Variants in RALGPS1 observed in about 807,000 individuals in gnomAD.
RALGPS1 encodes ras-specific guanine nucleotide-releasing factor RalGPS1.
Under a neutral mutation model 78.8 loss-of-function variants are expected in RALGPS1, and 19 were observed. The ratio of observed to expected loss-of-function variants is 0.24; its 90% CI spans 0.17 to 0.35. The LOEUF (loss-of-function observed/expected upper bound fraction) is 0.35. Among genes scored for constraint, RALGPS1 ranks in the 10% least tolerant of loss-of-function variants. The pLI is 1.00. For synonymous variants in RALGPS1, 228 were observed against 256.3 expected (o/e 0.89, Z 1.06); for missense variants, 454 against 688.3 (o/e 0.66, Z 3.81).
chr9:127,047,358 T>G (rs2135236037), intron 5 of RALGPS1, among the ~76,000 whole-genome samples: 1 of 152,284 alleles, frequency 6.6e-6, no homozygotes, highest in East Asian at 1.9e-4. Flanking sequence ...GATATATGAT[T>G]AATATACACC....
chr9:127,117,947 AG>A (rs960476454), intron 8 of RALGPS1, among the ~76,000 whole-genome samples: 1 of 152,202 alleles, frequency 6.6e-6, no homozygotes, highest in Non-Finnish European at 1.5e-5. Context: ...ACTAGGCAGC[AG>A]GGGGTTGCTG....
intron 7 of RALGPS1, among the ~76,000 whole-genome samples, chr9:127,063,977 T>C (rs753225846): frequency 3.9e-5 from 6 of 152,220 alleles, no homozygotes; most frequent in Non-Finnish European, 8.8e-5. Flanking sequence ...TCATACCAGA[T>C]GCAGGGAACA....
chr9:126,956,552 C>G (rs2038357582), intron 1 of RALGPS1, among the ~76,000 whole-genome samples: 1 of 152,138 alleles, frequency 6.6e-6, no homozygotes, highest in Non-Finnish European at 1.5e-5. Context: ...GGGTAACACA[C>G]TACGGCTGCC....
chr9:126,953,202 A>G (rs1460233842), intron 1 of RALGPS1, among the ~76,000 whole-genome samples: 3 of 152,108 alleles, frequency 2.0e-5, no homozygotes, highest in Non-Finnish European at 2.9e-5. Context: ...CCCACACAAG[A>G]CCAGATTCTG....
chr9:126,982,859 T>TCC (rs35667900), intron 4 of RALGPS1, among the ~76,000 whole-genome samples: 23 of 147,948 alleles, frequency 1.6e-4, no homozygotes, highest in South Asian at 6.7e-4. Context: ...TTCCTCCTCC[T>TCC]TCTTCTTCTT....
chr9:127,133,843 T>C (rs1008490987), intron 8 of RALGPS1, among the ~76,000 whole-genome samples: 1 of 152,090 alleles, frequency 6.6e-6, no homozygotes, highest in African/African-American at 2.4e-5. Context: ...TTGGGCCTGG[T>C]CTCTGTGGTC....
At chr9:127,194,147 A>G (rs1171711822) in intron 11 of RALGPS1, among the ~76,000 whole-genome samples, 4 of 152,258 alleles carry the variant, frequency 2.6e-5, no homozygotes, top group Admixed American at 2.0e-4. Context: ...TATGAGGGCT[A>G]ACTATGAAAG....
At chr9:126,996,100 C>A (rs2133367453) in intron 4 of RALGPS1, among the ~76,000 whole-genome samples, 1 of 151,996 alleles carries the variant, frequency 6.6e-6, no homozygotes, top group Non-Finnish European at 1.5e-5. Flanking sequence ...AAATTGACAC[C>A]CTGACATCAC....
chr9:127,139,814 A>G (rs1588127408), intron 8 of RALGPS1, among the ~76,000 whole-genome samples: 1 of 152,200 alleles, frequency 6.6e-6, no homozygotes, highest in African/African-American at 2.4e-5. Flanking sequence ...TGCCATTTCT[A>G]TTAACTTTCT....
In RALGPS1 at chr9:126,977,759, C is replaced by G. The variant is rs180950125; in HGVS notation, c.216+14C>G. Reference sequence around the variant, plus strand: ...ATCCAGCCGGAGGTCTGTACTTTGTCTTTCTACTCTTCTATTCATGCTGTG... The same window carrying G: ...ATCCAGCCGGAGGTCTGTACTTTGTGTTTCTACTCTTCTATTCATGCTGTG... On this transcript the variant is annotated intron_variant, in intron 4 of 18. Coordinates refer to ENST00000259351, the MANE Select transcript of RALGPS1 (RefSeq NM_014636.3). The G allele has an allele frequency of 1.6e-5, 25 of 1,576,334 alleles. No individual in the cohort carries two copies. Among genetic ancestry groups the G allele is most frequent in the Non-Finnish European group, 1.9e-5 (22 of 1,153,976 alleles).
chr9:127,086,900 G>A (rs1310671758), intron 8 of RALGPS1, among the ~76,000 whole-genome samples: 1 of 152,198 alleles, frequency 6.6e-6, no homozygotes, highest in Non-Finnish European at 1.5e-5. Context: ...GAAGGGAGAG[G>A]AGATAAGATC....
chr9:127,166,220 T>G lies in RALGPS1; in HGVS notation c.748+14T>G, dbSNP rs1377507524. The G allele has an allele frequency of 6.2e-7, 1 of 1,610,792 alleles. No homozygotes were observed. The highest frequency in any genetic ancestry group is 1.3e-5 in the African/African-American group (1 of 74,802). On this transcript the variant is annotated intron_variant, in intron 9 of 18. Transcript: ENST00000259351. The stretch of plus-strand genomic sequence containing the variant: ...CCTGCAGCTATGGTTAGTACCCTTG[T>G]TGTTAGAATTGTGAAATCTTACGTC...
At position 127,212,710 on chromosome 9, in the gene RALGPS1, C is replaced by T. The variant is rs760338792; in HGVS notation, c.1437C>T (p.Asp479=). ...GAGCCAAGTCCTTGCGGGGCACAGA[C>T]AGAAAACACGTAAGTCCCTTGAAAG... ...YYGAKSLRGT[D]RKHYKSTPGK... The change falls in exon 16 of 19, where the codon GAC becomes GAT. Residue 479 remains aspartate, a synonymous_variant. Coordinates refer to ENST00000259351, the MANE Select transcript of RALGPS1 (RefSeq NM_014636.3). This position sits in a 1 kb window ranked among gnomAD's most constrained non-coding sequence, Gnocchi z 6.0. 1.9e-6 allele frequency: 3 copies of T among 1,611,070 alleles called. No homozygotes were observed. The highest frequency in any genetic ancestry group is 1.1e-5 in the South Asian group (1 of 90,972).
At chr9:127,202,874 C>A (rs2061714658) in intron 14 of RALGPS1, among the ~76,000 whole-genome samples, 1 of 152,154 alleles carries the variant, frequency 6.6e-6, no homozygotes, top group African/African-American at 2.4e-5. Context: ...CCAGCACACT[C>A]TGCTCTCCCA....
intron 4 of RALGPS1, among the ~76,000 whole-genome samples, chr9:126,999,074 G>A (rs1022876235): frequency 8.7e-5 from 13 of 148,904 alleles, no homozygotes; most frequent in African/African-American, 3.0e-4. Flanking sequence ...GCTAAATGAC[G>A]AGTTAATGGG....
intron 7 of RALGPS1, among the ~76,000 whole-genome samples, chr9:127,066,957 C>A (rs982862569): frequency 1.3e-5 from 2 of 152,076 alleles, no homozygotes; most frequent in African/African-American, 4.8e-5. Context: ...CCAAGTAGCT[C>A]ATTTATTATT....
intron 4 of RALGPS1, among the ~76,000 whole-genome samples, chr9:126,984,938 A>G (rs960477602): frequency 3.3e-5 from 5 of 152,264 alleles, no homozygotes; most frequent in Non-Finnish European, 5.9e-5. Context: ...GGACAGAGCT[A>G]GTAAACAGTT....
chr9:127,037,924 C>G (rs1328658200), intron 5 of RALGPS1, among the ~76,000 whole-genome samples: 1 of 152,220 alleles, frequency 6.6e-6, no homozygotes, highest in Non-Finnish European at 1.5e-5. Flanking sequence ...GCCTAGGCCA[C>G]ATGGACTGAG....
rs533090173 is a variant in RALGPS1 at position 127,221,974 on chromosome 9, A to G, written c.*3205A>G. 1 of 152,382 alleles carries G rather than the reference A, an allele frequency of 6.6e-6. No homozygotes were observed. Among genetic ancestry groups the G allele is most frequent in the East Asian group, 1.9e-4 (1 of 5,188 alleles). 9.4% of individuals were successfully genotyped at this position (152,382 alleles called of 1,614,324 possible). A position where few individuals can be genotyped will look rare whatever the true frequency, so the allele number is the denominator to read the frequency against. On this transcript the variant is annotated 3_prime_UTR_variant, in exon 19 of 19. Transcript: ENST00000259351. ...ATACAGCTTTCTGGTTTGTGAGCCC[A>G]TAAATGACTTAAATCAGCTTTACAT...
Sources: allele counts gnomAD v4.1 joint callset (sites outside exome capture counted in the v4.1 genomes callset), GRCh38; gene constraint gnomAD v4.1.1; non-coding constraint Gnocchi (gnomAD v3.1); transcripts MANE v1.5; gene names NCBI Gene and HGNC (gene_info 2026-07-23, HGNC 2026-07-21).